Variants in ABTB3 observed in about 807,000 individuals in gnomAD.
ABTB3 encodes ankyrin repeat and BTB domain containing 3, also known as ankyrin repeat- and BTB/POZ domain-containing protein 3.
At chr12:107,575,644 C>T in the ABTB3 span, among the ~76,000 whole-genome samples, 1 of 152,182 alleles carries the variant, frequency 6.6e-6, no homozygotes, top group African/African-American at 2.4e-5. Context: ...AGACTGCCTG[C>T]ATTACCTAGC....
the ABTB3 span, among the ~76,000 whole-genome samples, chr12:107,435,911 T>G: frequency 6.6e-6 from 1 of 152,230 alleles, no homozygotes; most frequent in South Asian, 2.1e-4. Context: ...GTGTGGCTGT[T>G]AATACTTGAA....
the ABTB3 span, among the ~76,000 whole-genome samples, chr12:107,469,996 CTTTCTTTCTT>C: frequency 3.4e-3 from 327 of 95,986 alleles, 24 homozygotes; most frequent in African/African-American, 0.016. Context: ...TTCTTTCTTT[CTTTCTTTCTT>C]TCTTTCTCTC....
chr12:107,397,946 G>GT, the ABTB3 span, among the ~76,000 whole-genome samples: 1 of 152,094 alleles, frequency 6.6e-6, no homozygotes, highest in Admixed American at 6.6e-5. Flanking sequence ...TTTCCAAGCT[G>GT]TTTTTTTCTC....
chr12:107,467,464 C>T, the ABTB3 span, among the ~76,000 whole-genome samples: 3 of 152,140 alleles, frequency 2.0e-5, no homozygotes, highest in Non-Finnish European at 4.4e-5. Flanking sequence ...ACCTTCTTGT[C>T]GTCAGCAACA....
chr12:107,392,528 G>A, the ABTB3 span, among the ~76,000 whole-genome samples: 2 of 152,216 alleles, frequency 1.3e-5, no homozygotes, highest in Non-Finnish European at 2.9e-5. Flanking sequence ...TCTCATTCCC[G>A]AGCCTTTGTT....
At chr12:107,636,359 C>G in the ABTB3 span, among the ~76,000 whole-genome samples, 2 of 152,238 alleles carry the variant, frequency 1.3e-5, no homozygotes, top group Admixed American at 1.3e-4. Flanking sequence ...GGAGATTTAT[C>G]AGATATTAAA....
chr12:107,476,131 A>T, the ABTB3 span, among the ~76,000 whole-genome samples: 6 of 152,256 alleles, frequency 3.9e-5, no homozygotes, highest in South Asian at 4.1e-4. Context: ...GAGAGGTTTG[A>T]GGGAGGGCAG....
chr12:107,478,547 G>A, the ABTB3 span, among the ~76,000 whole-genome samples: 7 of 152,258 alleles, frequency 4.6e-5, no homozygotes, highest in South Asian at 1.2e-3. Context: ...AATTAATCCA[G>A]GTGCATTAAG....
the ABTB3 span, among the ~76,000 whole-genome samples, chr12:107,362,908 A>G: frequency 1.3e-5 from 2 of 152,110 alleles, no homozygotes; most frequent in African/African-American, 4.8e-5. Flanking sequence ...CATTTTGTAG[A>G]TGAGGAAACT....
chr12:107,399,253 C>T, the ABTB3 span, among the ~76,000 whole-genome samples: 13 of 152,240 alleles, frequency 8.5e-5, no homozygotes, highest in South Asian at 2.5e-3. Context: ...GCACATTCTC[C>T]AAGAGTGATT....
chr12:107,544,038 G>A, the ABTB3 span: 1 of 1,614,012 alleles, frequency 6.2e-7, no homozygotes, highest in East Asian at 2.2e-5. Context: ...TGTACTGGGA[G>A]CCCGAGGCCC....
chr12:107,421,047 A>G, the ABTB3 span, among the ~76,000 whole-genome samples: 2 of 152,200 alleles, frequency 1.3e-5, no homozygotes, highest in African/African-American at 2.4e-5. Context: ...GAGGAAGTCT[A>G]CTGAAGGATT....
chr12:107,585,760 T>C, the ABTB3 span, among the ~76,000 whole-genome samples: 1 of 152,160 alleles, frequency 6.6e-6, no homozygotes, highest in Non-Finnish European at 1.5e-5. Context: ...AACTCTATAA[T>C]GACAGCTGGA....
chr12:107,331,995 G>A, the ABTB3 span, among the ~76,000 whole-genome samples: 1 of 152,238 alleles, frequency 6.6e-6, no homozygotes, highest in South Asian at 2.1e-4. Context: ...TAAGGAAACA[G>A]ACCAAGAGTG....
the ABTB3 span, among the ~76,000 whole-genome samples, chr12:107,619,782 A>C: frequency 6.6e-6 from 1 of 152,144 alleles, no homozygotes; most frequent in African/African-American, 2.4e-5. Flanking sequence ...TATGACCTTT[A>C]ATTTCAACTT....
the ABTB3 span, among the ~76,000 whole-genome samples, chr12:107,631,214 T>A: frequency 5.3e-5 from 8 of 152,370 alleles, no homozygotes; most frequent in African/African-American, 1.9e-4. Flanking sequence ...TGGTTTTCTG[T>A]TTCTACATTC....
chr12:107,355,317 T>G, the ABTB3 span, among the ~76,000 whole-genome samples: 8 of 152,172 alleles, frequency 5.3e-5, no homozygotes, highest in African/African-American at 1.9e-4. Context: ...ATGCCATTCT[T>G]GGGAAGCAGC....
the ABTB3 span, among the ~76,000 whole-genome samples, chr12:107,507,915 G>A: frequency 6.6e-6 from 1 of 152,318 alleles, no homozygotes; most frequent in South Asian, 2.1e-4. Flanking sequence ...GTGTAGCATG[G>A]ATGGACTTCT....
At chr12:107,532,749 A>G in the ABTB3 span, among the ~76,000 whole-genome samples, 1 of 152,200 alleles carries the variant, frequency 6.6e-6, no homozygotes, top group Non-Finnish European at 1.5e-5. Flanking sequence ...TCAAAGACAC[A>G]GAAAAAATTT....
Sources: allele counts gnomAD v4.1 joint callset (sites outside exome capture counted in the v4.1 genomes callset), GRCh38; gene constraint gnomAD v4.1.1; transcripts MANE v1.5; gene names NCBI Gene and HGNC (gene_info 2026-07-23, HGNC 2026-07-21).